The following CADPS variants were observed in gnomAD, a reference collection of about 807,000 sequenced individuals.
CADPS encodes the protein calcium-dependent secretion activator 1.
A neutral mutation model predicts 167.3 loss-of-function variants in CADPS; 57 were observed. The observed-to-expected ratio is 0.34, with a 90% CI of 0.28 to 0.42. CADPS has a LOEUF of 0.42. Among genes scored for constraint, CADPS ranks in the 20% least tolerant of loss-of-function variants. The pLI, the probability that CADPS is intolerant of heterozygous loss-of-function variation, is 1.00. For synonymous variants in CADPS, 676 were observed against 635.3 expected (o/e 1.06, Z -0.96); for missense variants, 1,414 against 1,738.1 (o/e 0.81, Z 3.32).
chr3:62,775,314 G>C (rs1260133321), intron 1 of CADPS, among the ~76,000 whole-genome samples: 1 of 151,944 alleles, frequency 6.6e-6, no homozygotes. Context: ...CGGCCTCTGA[G>C]AGTGCTGGGA....
intron 9 of CADPS, among the ~76,000 whole-genome samples, chr3:62,564,953 A>G (rs544347367): frequency 1.9e-4 from 29 of 152,324 alleles, no homozygotes; most frequent in Non-Finnish European, 3.5e-4. Flanking sequence ...AAATAAAAAG[A>G]TGAAAGCGTT....
At chr3:62,504,508 C>T (rs948941213) in intron 17 of CADPS, among the ~76,000 whole-genome samples, 2 of 152,128 alleles carry the variant, frequency 1.3e-5, no homozygotes, top group African/African-American at 4.8e-5. Flanking sequence ...AACAATAAGG[C>T]GCCTCTGGGT....
chr3:62,842,690 G>A (rs779136507), intron 1 of CADPS, among the ~76,000 whole-genome samples: 14 of 152,182 alleles, frequency 9.2e-5, no homozygotes, highest in Non-Finnish European at 1.6e-4. Flanking sequence ...CAGAGAGGAA[G>A]TTTTATTGTC....
chr3:62,433,553 C>T lies in CADPS; in HGVS notation c.3777+4551G>A, dbSNP rs2054394420. The stretch of plus-strand genomic sequence containing the variant: ...ACCTATATAATCCATGTATCATCTC[C>T]AGTCAAATGTTCCCTGGGCCTGGTT... On this transcript the variant is annotated intron_variant, in intron 28 of 29. Coordinates refer to ENST00000383710, the MANE Select transcript of CADPS (RefSeq NM_003716.4). The surrounding 1 kb of genome is among the most constrained non-coding windows in gnomAD (Gnocchi z 4.7). 6.6e-6 allele frequency among the ~76,000 whole-genome samples: 1 copy of T among 152,136 alleles called. No homozygotes were observed. The highest frequency in any genetic ancestry group is 1.5e-5 in the Non-Finnish European group (1 of 68,024).
At chr3:62,762,537 G>A (rs914069118) in intron 2 of CADPS, among the ~76,000 whole-genome samples, 4 of 151,496 alleles carry the variant, frequency 2.6e-5, no homozygotes, top group African/African-American at 7.3e-5. Context: ...TGCACCTGCA[G>A]TCCAACTATA....
chr3:62,824,721 T>A (rs2073717590), intron 1 of CADPS, among the ~76,000 whole-genome samples: 1 of 152,178 alleles, frequency 6.6e-6, no homozygotes, highest in Non-Finnish European at 1.5e-5. Flanking sequence ...GTCTGCAGTT[T>A]ATTCTTCCAT....
At chr3:62,852,427 C>G (rs2078813355) in intron 1 of CADPS, among the ~76,000 whole-genome samples, 2 of 152,094 alleles carry the variant, frequency 1.3e-5, no homozygotes, top group African/African-American at 4.8e-5. Context: ...GCTCCTCCCC[C>G]ATCAGCATTT....
In CADPS at chr3:62,489,097, T is replaced by G. The variant is rs567845370; in HGVS notation, c.3026+2242A>C. 4.9e-4 allele frequency among the ~76,000 whole-genome samples: 74 copies of G among 152,308 alleles called. 1 individual carries two copies. The South Asian group carries it at 0.015, about 31-fold the overall frequency. The stretch of plus-strand genomic sequence containing the variant: ...TATGAAGATGATTTTTGAGTCTATC[T>G]TTATTTCTGATGGTATTAAGAATAT... On this transcript the variant is annotated intron_variant, in intron 21 of 29. Transcript: ENST00000383710.
At chr3:62,639,396 C>G (rs2066965410) in intron 6 of CADPS, among the ~76,000 whole-genome samples, 1 of 152,144 alleles carries the variant, frequency 6.6e-6, no homozygotes, top group African/African-American at 2.4e-5. Flanking sequence ...AGGAAAGGAG[C>G]TGATTCTCAG....
Position 62,511,046 on chromosome 3 carries a change from G to C in CADPS, c.2599+1705C>G, listed in dbSNP as rs1279846402. ...TTCCTGCTAGCGTGATTTTTCTGCA[G>C]TGTAAACCGCCAACCCATCCCTTTG... is the stretch of plus-strand genomic sequence containing the variant. On this transcript the variant is annotated intron_variant, in intron 17 of 29. Transcript: ENST00000383710. Among the ~76,000 whole-genome samples the C allele has an allele frequency of 6.6e-5, 10 of 152,204 alleles. No individual in the cohort carries two copies. The East Asian group carries it at 1.9e-3, about 29-fold the overall frequency.
chr3:62,425,145 A>G (rs1349108373), intron 28 of CADPS, among the ~76,000 whole-genome samples: 1 of 152,242 alleles, frequency 6.6e-6, no homozygotes, highest in Non-Finnish European at 1.5e-5. Context: ...GAAGTCTTGT[A>G]AGATACAAAG....
intron 1 of CADPS, among the ~76,000 whole-genome samples, chr3:62,860,179 G>T (rs2080505478): frequency 6.6e-6 from 1 of 152,082 alleles, no homozygotes; most frequent in South Asian, 2.1e-4. Flanking sequence ...TTCCTACCCA[G>T]GTTCAAATCC....
At chr3:62,831,949 A>G (rs2075166296) in intron 1 of CADPS, among the ~76,000 whole-genome samples, 1 of 152,222 alleles carries the variant, frequency 6.6e-6, no homozygotes, top group Non-Finnish European at 1.5e-5. Flanking sequence ...TCTCTTGGCT[A>G]ACAAGTATCA....
intron 3 of CADPS, among the ~76,000 whole-genome samples, chr3:62,732,294 C>G (rs2078058363): frequency 6.6e-6 from 1 of 152,188 alleles, no homozygotes; most frequent in South Asian, 2.1e-4. Context: ...AACAGACTCT[C>G]TCTTGCTGGT....
intron 3 of CADPS, among the ~76,000 whole-genome samples, chr3:62,687,884 GAA>G (rs1443379458): frequency 1.3e-5 from 2 of 151,866 alleles, no homozygotes; most frequent in East Asian, 3.9e-4. Flanking sequence ...AGGTGCAAGT[GAA>G]AAAAGTCACT....
At chr3:62,872,248 T>A (rs1217565340) in intron 1 of CADPS, among the ~76,000 whole-genome samples, 1 of 152,214 alleles carries the variant, frequency 6.6e-6, no homozygotes, top group Non-Finnish European at 1.5e-5. Flanking sequence ...TTTACCACAG[T>A]GATTATGCAA....
intron 2 of CADPS, among the ~76,000 whole-genome samples, chr3:62,754,657 T>C (rs1325648373): frequency 6.6e-6 from 1 of 152,108 alleles, no homozygotes; most frequent in Non-Finnish European, 1.5e-5. Flanking sequence ...CCTCGATAAT[T>C]TTTTAAACTT....
intron 1 of CADPS, among the ~76,000 whole-genome samples, chr3:62,837,158 C>T (rs1257529403): frequency 6.6e-6 from 1 of 152,178 alleles, no homozygotes; most frequent in African/African-American, 2.4e-5. Context: ...TTAACATACA[C>T]TTAATCCTTA....
intron 26 of CADPS, among the ~76,000 whole-genome samples, chr3:62,451,279 G>C (rs562255120): frequency 6.6e-6 from 1 of 152,088 alleles, no homozygotes; most frequent in African/African-American, 2.4e-5. Flanking sequence ...CCATTCTGGG[G>C]TTTTCACAAT....
Sources: allele counts gnomAD v4.1 joint callset (sites outside exome capture counted in the v4.1 genomes callset), GRCh38; gene constraint gnomAD v4.1.1; non-coding constraint Gnocchi (gnomAD v3.1); transcripts MANE v1.5; gene names NCBI Gene and HGNC (gene_info 2026-07-23, HGNC 2026-07-21).